Variants in PLCD3 observed in about 807,000 individuals in gnomAD.
PLCD3 encodes the protein 1-phosphatidylinositol 4,5-bisphosphate phosphodiesterase delta-3.
PLCD3 carries 62 observed loss-of-function variants against 82.8 expected under a neutral mutation model. That is an observed-to-expected ratio of 0.75 (90% CI 0.61 to 0.93). The LOEUF (loss-of-function observed/expected upper bound fraction) is 0.93, where lower values mean the gene tolerates loss of function less well. PLCD3 is among the 40% of genes least tolerant of loss of function. The probability of loss-of-function intolerance (pLI) is 0.00; values close to 1 mark genes in which losing one functional copy is unlikely to be tolerated. For missense variants in PLCD3, 1,023 were observed against 1,103.4 expected (o/e 0.93, Z 1.03); for synonymous variants, 478 against 471.8 (o/e 1.01, Z -0.17).
At chr17:45,127,978 G>A (rs974153814) in intron 1 of PLCD3, among the ~76,000 whole-genome samples, 1 of 152,172 alleles carries the variant, frequency 6.6e-6, no homozygotes, top group Admixed American at 6.5e-5. Flanking sequence ...AGGCCGAGCA[G>A]GGAGTAGAGA....
At position 45,116,626 on chromosome 17, in the gene PLCD3, C is replaced by T. The variant is rs754465785; in HGVS notation, c.1413+6G>A. 1.3e-5 allele frequency: 20 copies of T among 1,568,932 alleles called. No homozygotes were observed. The highest frequency in any genetic ancestry group is 5.5e-5 in the African/African-American group (4 of 73,236). On this transcript the variant is annotated splice_donor_region_variant and intron_variant, in intron 8 of 14. Transcript: ENST00000619929. ...TCCACCCAGGCTAGGGGCTGGGGGGCGTCACCTCTGGGGATGGCAGCTCCT... is the reference window on the plus strand; with the variant it reads ...TCCACCCAGGCTAGGGGCTGGGGGGTGTCACCTCTGGGGATGGCAGCTCCT...
rs2054228875 is a variant in PLCD3 at position 45,109,960 on chromosome 17, C to T, written c.*2656G>A. On this transcript the variant is annotated 3_prime_UTR_variant, in exon 15 of 15. Transcript: ENST00000619929. ...GGGCATGGTGGTGGGCGCCTGTAGTCCCAGCTACTTGGGAAGCTGAGGCAG... is the reference window on the plus strand; with the variant it reads ...GGGCATGGTGGTGGGCGCCTGTAGTTCCAGCTACTTGGGAAGCTGAGGCAG... 6.6e-6 allele frequency: 1 copy of T among 152,230 alleles called. No homozygotes were observed. The highest frequency in any genetic ancestry group is 6.5e-5 in the Admixed American group (1 of 15,268). The allele number at this position is 152,230 out of a possible 1,614,324, so 9.4% of individuals were successfully genotyped here. A position where few individuals can be genotyped will look rare whatever the true frequency, so the allele number is the denominator to read the frequency against.
At chr17:45,127,983 T>G (rs1018842123) in intron 1 of PLCD3, among the ~76,000 whole-genome samples, 1 of 151,450 alleles carries the variant, frequency 6.6e-6, no homozygotes, top group Non-Finnish European at 1.5e-5. Flanking sequence ...GAGCAGGGAG[T>G]AGAGAAAGAG....
chr17:45,118,082 C>T lies in PLCD3; in HGVS notation c.1172G>A (p.Gly391Glu). The T allele has an allele frequency of 6.2e-7, 1 of 1,613,850 alleles. No homozygotes were observed. The highest frequency in any genetic ancestry group is 1.3e-5 in the African/African-American group (1 of 75,054). ...VELDCWEGPG[G>E]EPVIYHGHTL... ...ATGGCCATGATAGATGACGGGCTCC[C>T]CTCCTGGCCCCTCCCAGCAGTCCAG... Residue 391 changes from glycine to glutamate, a missense_variant, in exon 7 of 15, where the codon GGG becomes GAG. Coordinates refer to ENST00000619929, the MANE Select transcript of PLCD3 (RefSeq NM_133373.5). This position sits in a 1 kb window ranked among gnomAD's most constrained non-coding sequence, Gnocchi z 4.1.
intron 14 of PLCD3, 36 bp downstream of exon 14, chr17:45,112,827 C>G (rs761678204): frequency 4.7e-5 from 76 of 1,609,342 alleles, no homozygotes; most frequent in African/African-American, 1.1e-4. Flanking sequence ...GGACCTGGAC[C>G]CACATCCCTC....
Position 45,132,167 on chromosome 17 carries a change from C to A in PLCD3, c.163+81G>T. ...AGCCCCGTGCAGCCTGGGGAATCCA[C>A]GAACTGCTCCCTGGAGCGCCCCAGA... On this transcript the variant is annotated intron_variant, in intron 1 of 14. Transcript: ENST00000619929. This position sits in a 1 kb window ranked among gnomAD's most constrained non-coding sequence, Gnocchi z 4.6. The A allele has an allele frequency of 8.2e-7, 1 of 1,214,378 alleles. No individual in the cohort carries two copies. The allele number at this position is 1,214,378 out of a possible 1,614,324, so 75.2% of individuals were successfully genotyped here.
At chr17:45,116,861 CT>C in intron 7 of PLCD3, 77 bp from the exon 8 acceptor site, 1 of 1,458,262 alleles carries the variant, frequency 6.9e-7, no homozygotes, top group Non-Finnish European at 9.0e-7. Flanking sequence ...CTCCCAGACC[CT>C]TCAGGACAGG....
chr17:45,116,720 A>G lies in PLCD3; in HGVS notation c.1325T>C (p.Met442Thr), dbSNP rs753460013. 3 of 1,610,544 alleles carry G rather than the reference A, an allele frequency of 1.9e-6. No individual in the cohort carries two copies. The highest frequency in any genetic ancestry group is 4.5e-5 in the East Asian group (2 of 44,432). ...NHCGLEQQAA[M>T]ARHLCTILGD... ...CAGGATGGTGCAGAGGTGGCGGGCC[A>G]TGGCAGCCTGCTGCTCCAGCCCGCA... Residue 442 changes from methionine to threonine, a missense_variant, in exon 8 of 15, where the codon ATG (methionine) becomes ACG (threonine). This residue lies in a region of PLCD3 where 553 missense variants were observed against 655.7 expected (regional missense o/e 0.84). Coordinates refer to ENST00000619929, the MANE Select transcript of PLCD3 (RefSeq NM_133373.5).
Position 45,121,063 on chromosome 17 carries a change from A to G in PLCD3, c.393T>C (p.Gly131=). ...HQSEGLRRFG[G]AFAPARCLTI... ...TGAGGCAGCGCGCTGGCGCGAAGGC[A>G]CCCCCGAAGCGCCGCAGGCCCTCGG... The change falls in exon 3 of 15, where the codon GGT becomes GGC. Residue 131 remains glycine (G), a synonymous_variant. Transcript: ENST00000619929. 1 of 1,541,660 alleles carries G rather than the reference A, an allele frequency of 6.5e-7. No homozygotes were observed. Among genetic ancestry groups the G allele is most frequent in the Non-Finnish European group, 8.7e-7 (1 of 1,152,024 alleles).
chr17:45,121,433 C>T (rs2054340203), intron 1 of PLCD3, 61 bp from the exon 2 acceptor site: 2 of 1,432,480 alleles, frequency 1.4e-6, no homozygotes, highest in Non-Finnish European at 1.8e-6. Context: ...CCCCTGCCCT[C>T]CCCCGCTAGG....
At position 45,120,998 on chromosome 17, in the gene PLCD3, G is replaced by A. The variant is rs777864563; in HGVS notation, c.458C>T (p.Ala153Val). The A allele has an allele frequency of 1.4e-5, 22 of 1,535,082 alleles. No individual in the cohort carries two copies. The highest frequency in any genetic ancestry group is 2.0e-5 in the Admixed American group (1 of 50,894). ...CTGCGCTTCCTCAGCCGTGGGCGCC[G>A]CCAGGTCCAGGTTCTTGCGGCGGCC... is the stretch of plus-strand genomic sequence containing the variant. ...FKGRRKNLDL[A>V]APTAEEAQRW... Residue 153 changes from alanine (A) to valine (V), a missense_variant, in exon 3 of 15, where the codon GCG becomes GTG. Physicochemically the swap from Ala to Val is moderately conservative, Grantham distance 64. This residue lies in a region of PLCD3 where 448 missense variants were observed against 406.3 expected (regional missense o/e 1.10). Transcript: ENST00000619929.
At chr17:45,129,595 C>T (rs1041251156) in intron 1 of PLCD3, among the ~76,000 whole-genome samples, 3 of 152,348 alleles carry the variant, frequency 2.0e-5, no homozygotes, top group South Asian at 2.1e-4. Flanking sequence ...TTGAGCTTCC[C>T]GTCTGTAATG....
chr17:45,112,272 C>T lies in PLCD3; in HGVS notation c.*344G>A, dbSNP rs574287830. The stretch of plus-strand genomic sequence containing the variant: ...TGGCCCACGGGAGGACAGAGGGGAA[C>T]TGAGGGCCCACAAGTGTCCTGCTCC... On this transcript the variant is annotated 3_prime_UTR_variant, in exon 15 of 15. Transcript: ENST00000619929. 6.9e-5 allele frequency: 21 copies of T among 302,272 alleles called. No individual in the cohort carries two copies. The highest frequency in any genetic ancestry group is 3.3e-4 in the African/African-American group (15 of 46,036). 18.7% of individuals were successfully genotyped at this position (302,272 alleles called of 1,614,324 possible).
At chr17:45,126,446 C>T (rs150922040) in intron 1 of PLCD3, among the ~76,000 whole-genome samples, 4,347 of 149,124 alleles carry the variant, frequency 0.029, 116 homozygotes, top group Non-Finnish European at 0.046. Context: ...CCCCACCTCC[C>T]GGGTTCAAGT....
chr17:45,113,417 G>T, intron 12 of PLCD3, 22 bp downstream of exon 12: 1 of 1,579,662 alleles, frequency 6.3e-7, no homozygotes, highest in Non-Finnish European at 8.6e-7. Flanking sequence ...CCCCACACTG[G>T]GGCCCGTTCC....
At chr17:45,120,855 A>AGGGCTCTCCAAGGATG (rs2054331063) in intron 3 of PLCD3, 47 bp downstream of exon 3, 10 of 1,406,540 alleles carry the variant, frequency 7.1e-6, no homozygotes, top group African/African-American at 1.5e-5. Context: ...CTCCAAGGTT[A>AGGGCTCTCCAAGGATG]GGGCTCTCCA....
Position 45,112,989 on chromosome 17 carries a change from T to C in PLCD3, c.2155A>G (p.Thr719Ala). 6.2e-7 allele frequency: 1 copy of C among 1,609,210 alleles called. No homozygotes were observed. The highest frequency in any genetic ancestry group is 1.1e-5 in the South Asian group (1 of 90,440). Residue 719 changes from threonine (T) to alanine (A), a missense_variant, in exon 14 of 15, where the codon ACC becomes GCC. This residue lies in a region of PLCD3 where 553 missense variants were observed against 655.7 expected (regional missense o/e 0.84). Coordinates refer to ENST00000619929, the MANE Select transcript of PLCD3 (RefSeq NM_133373.5). ...NNGFNPRWGQ[T>A]LQFQLRAPEL... ...GGAGCCCGCAGCTGGAACTGCAGGGTCTGCCCCCAGCGGGGGTTGAAGCCT... is the reference window on the plus strand; with the variant it reads ...GGAGCCCGCAGCTGGAACTGCAGGGCCTGCCCCCAGCGGGGGTTGAAGCCT...
At chr17:45,119,167 A>G (rs1367938053) in intron 4 of PLCD3, 124 bp from the exon 5 acceptor site, 2 of 724,618 alleles carry the variant, frequency 2.8e-6, no homozygotes, top group Non-Finnish European at 4.5e-6. Flanking sequence ...GGAAAAACAG[A>G]GTAAGACTTG....
intron 1 of PLCD3, among the ~76,000 whole-genome samples, chr17:45,122,859 G>A (rs1025140884): frequency 6.6e-6 from 1 of 152,166 alleles, no homozygotes; most frequent in Admixed American, 6.5e-5. Context: ...TAGAGGAGGT[G>A]GGAACTGGGT....
Sources: gnomAD v4.1 joint callset for allele counts (sites outside exome capture counted in the v4.1 genomes callset) on GRCh38, gnomAD v4.1.1 for gene constraint, gnomAD v4.1.1 regional missense constraint, Gnocchi (gnomAD v3.1) non-coding constraint, MANE v1.5 for transcripts, NCBI Gene and HGNC (gene_info 2026-07-23, HGNC 2026-07-21) for gene names.